Variants in NCAPD3 observed in about 807,000 individuals in gnomAD.
NCAPD3 encodes condensin-2 complex subunit D3.
In NCAPD3, 105 loss-of-function variants were observed where a neutral mutation model predicts 182.9. The ratio of observed to expected loss-of-function variants is 0.57; its 90% CI spans 0.49 to 0.68. The LOEUF is 0.68. Ranked by LOEUF, NCAPD3 falls within the 30% of genes least tolerant of loss-of-function variation. The pLI is 0.00. For missense variants in NCAPD3, 1,944 were observed against 1,837.0 expected (o/e 1.06, Z -1.07); for synonymous variants, 815 against 679.9 (o/e 1.20, Z -3.09).
intron 24 of NCAPD3, among the ~76,000 whole-genome samples, chr11:134,170,376 T>G (rs987066471): frequency 3.9e-5 from 6 of 152,178 alleles, no homozygotes; most frequent in Non-Finnish European, 8.8e-5. Flanking sequence ...AAGGCAAAGG[T>G]CACAGCATCA....
At chr11:134,173,866 C>A (rs552002665) in intron 24 of NCAPD3, among the ~76,000 whole-genome samples, 1 of 151,844 alleles carries the variant, frequency 6.6e-6, no homozygotes, top group East Asian at 1.9e-4. Flanking sequence ...GAGGCTGAGG[C>A]AGGAGAATCG....
At chr11:134,184,181 G>C (rs1944351242) in intron 19 of NCAPD3, among the ~76,000 whole-genome samples, 1 of 152,254 alleles carries the variant, frequency 6.6e-6, no homozygotes, top group Admixed American at 6.5e-5. Flanking sequence ...ACCAACAAGA[G>C]ATATTTGAGT....
At chr11:134,215,946 C>T (rs1009706624) in intron 3 of NCAPD3, among the ~76,000 whole-genome samples, 16 of 152,178 alleles carry the variant, frequency 1.1e-4, no homozygotes, top group East Asian at 1.9e-4. Flanking sequence ...GGCAGGAATA[C>T]GGCTTGCTGG....
chr11:134,197,140 T>C (rs1944648621), intron 13 of NCAPD3, among the ~76,000 whole-genome samples: 1 of 152,116 alleles, frequency 6.6e-6, no homozygotes, highest in African/African-American at 2.4e-5. Context: ...CCTGTTCCCT[T>C]TTGGCTTTCT....
chr11:134,181,567 A>T (rs975377999), intron 19 of NCAPD3, among the ~76,000 whole-genome samples: 1 of 152,338 alleles, frequency 6.6e-6, no homozygotes, highest in Admixed American at 6.5e-5. Context: ...TGAATTAACT[A>T]CTGTGATAAA....
intron 1 of NCAPD3, among the ~76,000 whole-genome samples, chr11:134,222,322 C>T (rs955128648): frequency 2.6e-5 from 4 of 152,146 alleles, no homozygotes; most frequent in African/African-American, 9.7e-5. Context: ...ACTAGGGAAG[C>T]CACTTATACT....
intron 32 of NCAPD3, chr11:134,154,012 C>G (rs959906880): frequency 7.8e-5 from 12 of 153,796 alleles, no homozygotes; most frequent in African/African-American, 2.9e-4. Context: ...TGAGCAGATT[C>G]CACCGCAGCT....
At position 134,165,582 on chromosome 11, in the gene NCAPD3, G is replaced by A. The variant is rs1377077481; in HGVS notation, c.3573+2414C>T. On this transcript the variant is annotated intron_variant, in intron 27 of 34. Coordinates refer to ENST00000534548, the MANE Select transcript of NCAPD3 (RefSeq NM_015261.3). ...ACTTGTGAGATGAGCTTGGGGGAGG[G>A]GCACACTAGTGAGATGAGCTTGGGG... Among the ~76,000 whole-genome samples the A allele has an allele frequency of 1.5e-3, 206 of 134,558 alleles. 1 individual carries two copies. The highest frequency in any genetic ancestry group is 1.2e-3 in the Non-Finnish European group (77 of 62,408). The allele number at this position is 134,558 out of a possible 152,430, so 88.3% of individuals were successfully genotyped here. A position where few individuals can be genotyped will look rare whatever the true frequency, so the allele number is the denominator to read the frequency against.
At chr11:134,153,792 C>T (rs530803278) in intron 32 of NCAPD3, 73 of 223,236 alleles carry the variant, frequency 3.3e-4, no homozygotes, top group Non-Finnish European at 6.1e-4. Context: ...CTGGAGCATG[C>T]GCGCTGGAAA....
At chr11:134,167,260 TAGG>T (rs1396396565) in intron 27 of NCAPD3, among the ~76,000 whole-genome samples, 1 of 104,666 alleles carries the variant, frequency 9.6e-6, no homozygotes, top group South Asian at 3.5e-4. Flanking sequence ...GAGATGAGCT[TAGG>T]GGAGCAGCAC....
chr11:134,157,322 A>G (rs1143814), intron 31 of NCAPD3, among the ~76,000 whole-genome samples: 68,433 of 152,074 alleles, frequency 0.45, 18,112 homozygotes, highest in African/African-American at 0.75. Flanking sequence ...AACTTGGCAT[A>G]AGTGATAGAG....
At chr11:134,153,398 G>C (rs533311211) in intron 32 of NCAPD3, 35 bp from the exon 33 acceptor site, 1 of 1,604,686 alleles carries the variant, frequency 6.2e-7, no homozygotes, top group South Asian at 1.1e-5. Flanking sequence ...AGTGAAAGCC[G>C]CGTGGTCTAT....
At chr11:134,215,018 C>T (rs1051003550) in intron 3 of NCAPD3, among the ~76,000 whole-genome samples, 8 of 152,102 alleles carry the variant, frequency 5.3e-5, no homozygotes, top group Admixed American at 2.6e-4. Context: ...TACACCATGA[C>T]CAAGGTCATA....
At chr11:134,217,819 C>G (rs1221189878) in intron 2 of NCAPD3, among the ~76,000 whole-genome samples, 2 of 152,166 alleles carry the variant, frequency 1.3e-5, no homozygotes, top group African/African-American at 4.8e-5. Flanking sequence ...ATCATCTCCA[C>G]TGGGCACAAT....
chr11:134,203,961 C>G, intron 10 of NCAPD3, 55 bp from the exon 11 acceptor site: 1 of 1,601,692 alleles, frequency 6.2e-7, no homozygotes, highest in Middle Eastern at 1.7e-4. Flanking sequence ...AACCAAAGAA[C>G]CCTCCTCATT....
chr11:134,179,244 GA>G (rs376581186), intron 20 of NCAPD3, among the ~76,000 whole-genome samples: 1 of 152,096 alleles, frequency 6.6e-6, no homozygotes, highest in East Asian at 1.9e-4. Flanking sequence ...GGTAAACTGG[GA>G]TACATCTACC....
In NCAPD3 at chr11:134,218,113, G is replaced by C. The variant is rs1040186684; in HGVS notation, c.220-1015C>G. The stretch of plus-strand genomic sequence containing the variant: ...ACCCTGGTCTCAAAAAAAAAAAAGG[G>C]GGGGGGGGGAAGAAATCATCTCCTA... On this transcript the variant is annotated intron_variant, in intron 2 of 34. Coordinates refer to ENST00000534548, the MANE Select transcript of NCAPD3 (RefSeq NM_015261.3). Among the ~76,000 whole-genome samples, 442 of 107,140 alleles carry C rather than the reference G, an allele frequency of 4.1e-3. 29 individuals carry two copies. The East Asian group carries it at 0.12, about 29-fold the overall frequency. The allele number at this position is 107,140 out of a possible 152,430, so 70.3% of individuals were successfully genotyped here.
intron 32 of NCAPD3, among the ~76,000 whole-genome samples, chr11:134,155,321 C>G (rs926591269): frequency 3.3e-5 from 5 of 152,158 alleles, no homozygotes; most frequent in Non-Finnish European, 5.9e-5. Flanking sequence ...CAAAAAGAAT[C>G]TGGACGTATA....
At chr11:134,156,504 C>T (rs756817757) in intron 32 of NCAPD3, among the ~76,000 whole-genome samples, 4 of 152,202 alleles carry the variant, frequency 2.6e-5, no homozygotes, top group Non-Finnish European at 5.9e-5. Flanking sequence ...TAACTCACCT[C>T]TGTTTTGAAA....
Sources: allele counts gnomAD v4.1 joint callset (sites outside exome capture counted in the v4.1 genomes callset), GRCh38; gene constraint gnomAD v4.1.1; transcripts MANE v1.5; gene names NCBI Gene and HGNC (gene_info 2026-07-23, HGNC 2026-07-21).